The following LSM6 variants were observed in gnomAD, a reference collection of about 807,000 sequenced individuals.
LSM6 encodes the protein U6 snRNA-associated Sm-like protein LSm6.
LSM6 carries 2 observed loss-of-function variants against 13.5 expected under a neutral mutation model. The ratio of observed to expected loss-of-function variants is 0.15; its 90% CI spans 0.06 to 0.47. LSM6 has a LOEUF of 0.47. Ranked by LOEUF, LSM6 falls within the 20% of genes least tolerant of loss-of-function variation. The pLI, the probability that LSM6 is intolerant of heterozygous loss-of-function variation, is 0.97. For synonymous variants in LSM6, 43 were observed against 34.9 expected (o/e 1.23, Z -0.82); for missense variants, 58 against 96.4 (o/e 0.60, Z 1.67).
chr4:146,189,569 T>C, intron 3 of LSM6, 53 bp from the exon 4 acceptor site: 1 of 1,186,522 alleles, frequency 8.4e-7, no homozygotes. Flanking sequence ...CTACTATGTA[T>C]ACTTACAAGC....
At position 146,189,768 on chromosome 4, in the gene LSM6, T is replaced by A. The variant is rs1730429291; in HGVS notation, c.*112T>A. The A allele has an allele frequency of 8.5e-6, 6 of 703,690 alleles. No individual in the cohort carries two copies. Among genetic ancestry groups the A allele is most frequent in the Non-Finnish European group, 9.9e-6 (4 of 405,056 alleles). 43.6% of individuals were successfully genotyped at this position (703,690 alleles called of 1,614,324 possible). ...GTCCTCTTTTTATAATAGTTGGTGA[T>A]TTTTCACTGACATGTGAGTAAGATA... On this transcript the variant is annotated 3_prime_UTR_variant, in exon 4 of 4. Transcript: ENST00000296581.
chr4:146,188,527 G>A (rs1273719994), intron 3 of LSM6, among the ~76,000 whole-genome samples: 4 of 152,118 alleles, frequency 2.6e-5, no homozygotes, highest in Non-Finnish European at 4.4e-5. Context: ...CTCTTAAAGA[G>A]GATCTTGACT....
intron 2 of LSM6, among the ~76,000 whole-genome samples, chr4:146,186,542 A>G (rs896248870): frequency 6.6e-6 from 1 of 152,254 alleles, no homozygotes; most frequent in Admixed American, 6.5e-5. Flanking sequence ...CCATCTTAAC[A>G]CAATTAAAGA....
intron 1 of LSM6, chr4:146,181,029 G>A (rs1166818932): frequency 6.6e-6 from 1 of 152,226 alleles, no homozygotes; most frequent in African/African-American, 2.4e-5. Flanking sequence ...AGTCCTGAAT[G>A]AAAAGTGGTT....
intron 1 of LSM6, chr4:146,176,602 A>T (rs1730115449): frequency 6.6e-6 from 1 of 152,100 alleles, no homozygotes. Flanking sequence ...CTTCTACTTG[A>T]ACTAAGAGTG....
At chr4:146,183,209 T>A in intron 2 of LSM6, 194 bp downstream of exon 2, 1 of 461,176 alleles carries the variant, frequency 2.2e-6, no homozygotes, top group Non-Finnish European at 4.0e-6. Context: ...AGCATGTGCT[T>A]CTGCCTTTCA....
At chr4:146,186,733 G>A (rs1036736472) in intron 2 of LSM6, among the ~76,000 whole-genome samples, 5 of 152,054 alleles carry the variant, frequency 3.3e-5, no homozygotes, top group Admixed American at 2.0e-4. Context: ...ATGTTCTTTC[G>A]GGAGCACCTG....
In LSM6 at chr4:146,191,196, A is replaced by G. The variant is rs1730462115; in HGVS notation, c.*1540A>G. On this transcript the variant is annotated 3_prime_UTR_variant, in exon 4 of 4. Coordinates refer to ENST00000296581, the MANE Select transcript of LSM6 (RefSeq NM_007080.3). ...CTTTTATAAATGAGTTCTTTTAAGG[A>G]GAAAATGGATGGCTCTCCAAGTGGA... The G allele has an allele frequency of 2.0e-5, 3 of 152,188 alleles. No individual in the cohort carries two copies. In the South Asian group the frequency reaches 6.2e-4, roughly 32 times the overall value. The allele number at this position is 152,188 out of a possible 1,614,324, so 9.4% of individuals were successfully genotyped here.
At position 146,189,671 on chromosome 4, in the gene LSM6, C is replaced by A; in HGVS notation, c.*15C>A. 6.3e-7 allele frequency: 1 copy of A among 1,584,870 alleles called. No individual in the cohort carries two copies. On this transcript the variant is annotated 3_prime_UTR_variant, in exon 4 of 4. Coordinates refer to ENST00000296581, the MANE Select transcript of LSM6 (RefSeq NM_007080.3). ...GACGGATGTGAAGACACCAAGAGAGCAACGCTTTTCATAGTTGGATATATT... is the reference window on the plus strand; with the variant it reads ...GACGGATGTGAAGACACCAAGAGAGAAACGCTTTTCATAGTTGGATATATT...
intron 1 of LSM6, 122 bp from the exon 2 acceptor site, chr4:146,182,790 G>T (rs542872033): frequency 1.3e-4 from 83 of 620,464 alleles, no homozygotes; most frequent in Non-Finnish European, 2.4e-4. Context: ...AGTAATACGC[G>T]TCTTCTCGCA....
intron 1 of LSM6, among the ~76,000 whole-genome samples, chr4:146,179,305 C>G (rs1185785182): frequency 6.6e-6 from 1 of 152,170 alleles, no homozygotes; most frequent in Non-Finnish European, 1.5e-5. Context: ...CAGAAATTGT[C>G]AGAACTGTTT....
intron 3 of LSM6, chr4:146,187,610 T>G (rs2110890693): frequency 4.8e-6 from 2 of 418,042 alleles, no homozygotes; most frequent in African/African-American, 4.0e-5. Flanking sequence ...GATGAGGAAC[T>G]GAGGGACATT....
At position 146,175,818 on chromosome 4, in the gene LSM6, C is replaced by G. The variant is rs1202103455; in HGVS notation, c.-11+7C>G. On this transcript the variant is annotated splice_region_variant and intron_variant, in intron 1 of 3. Transcript: ENST00000296581. ...TCTGGTTCCCGCCGGCGAGGTGAGCCGCACCGCTGCGCGGGCCGACGACGG... is the reference window on the plus strand; with the variant it reads ...TCTGGTTCCCGCCGGCGAGGTGAGCGGCACCGCTGCGCGGGCCGACGACGG... 2.0e-5 allele frequency: 3 copies of G among 152,424 alleles called. No individual in the cohort carries two copies. The East Asian group carries it at 5.8e-4, about 29-fold the overall frequency. The allele number at this position is 152,424 out of a possible 1,614,324, so 9.4% of individuals were successfully genotyped here.
chr4:146,187,166 G>GC, intron 2 of LSM6, 108 bp from the exon 3 acceptor site: 2 of 580,882 alleles, frequency 3.4e-6, no homozygotes, highest in Non-Finnish European at 6.3e-6. Flanking sequence ...TTTATATTAA[G>GC]CATCTAAGAA....
intron 3 of LSM6, chr4:146,187,651 A>G (rs1578682121): frequency 6.1e-6 from 2 of 330,430 alleles, no homozygotes; most frequent in East Asian, 6.1e-5. Flanking sequence ...TGCTTTCTCG[A>G]ATATAGTGTA....
At chr4:146,180,614 A>G (rs1441284610) in intron 1 of LSM6, among the ~76,000 whole-genome samples, 3 of 152,238 alleles carry the variant, frequency 2.0e-5, no homozygotes, top group African/African-American at 7.2e-5. Context: ...GAAACTGTAA[A>G]TACTCTATGA....
intron 2 of LSM6, 89 bp downstream of exon 2, chr4:146,183,104 T>C: frequency 1.1e-6 from 1 of 905,150 alleles, no homozygotes; most frequent in South Asian, 1.4e-5. Flanking sequence ...GTATACCCAA[T>C]AGGCCAAAAA....
chr4:146,179,189 G>A (rs1160088572), intron 1 of LSM6, among the ~76,000 whole-genome samples: 2 of 152,186 alleles, frequency 1.3e-5, no homozygotes, highest in African/African-American at 4.8e-5. Flanking sequence ...GGTATAGAGA[G>A]TGATTATGAC....
At chr4:146,189,041 G>A (rs1031656399) in intron 3 of LSM6, among the ~76,000 whole-genome samples, 2 of 149,598 alleles carry the variant, frequency 1.3e-5, no homozygotes, top group Non-Finnish European at 3.0e-5. Flanking sequence ...CCAGGCTGGA[G>A]TGTAGTTGTG....
Sources: gnomAD v4.1 joint callset for allele counts (sites outside exome capture counted in the v4.1 genomes callset) on GRCh38, gnomAD v4.1.1 for gene constraint, MANE v1.5 for transcripts, NCBI Gene and HGNC (gene_info 2026-07-23, HGNC 2026-07-21) for gene names.